GRIA4: variants seen among roughly 807,000 people sequenced by gnomAD.
GRIA4 encodes glutamate receptor 4.
A neutral mutation model predicts 104.0 loss-of-function variants in GRIA4; 34 were observed. That is an observed-to-expected ratio of 0.33 (90% CI 0.25 to 0.44). The LOEUF (loss-of-function observed/expected upper bound fraction) is 0.44. Among genes scored for constraint, GRIA4 ranks in the 20% least tolerant of loss-of-function variants. The pLI is 1.00. For synonymous variants in GRIA4, 386 were observed against 381.9 expected (o/e 1.01, Z -0.13); for missense variants, 750 against 1,096.5 (o/e 0.68, Z 4.46).
intron 3 of GRIA4, among the ~76,000 whole-genome samples, chr11:105,691,783 A>T (rs1953092166): frequency 6.6e-6 from 1 of 151,902 alleles, no homozygotes; most frequent in African/African-American, 2.4e-5. Context: ...AAAAATACAA[A>T]AATTAGCCGG....
At position 105,762,058 on chromosome 11, in the gene GRIA4, C is replaced by T. The variant is rs142482044; in HGVS notation, c.487+8838C>T. Reference sequence around the variant, plus strand: ...TTTTTTTTTGAGACGGAGTCTCACTCTATTGCCCCAGCTGAAGTGCAATTG... The same window carrying T: ...TTTTTTTTTGAGACGGAGTCTCACTTTATTGCCCCAGCTGAAGTGCAATTG... On this transcript the variant is annotated intron_variant, in intron 4 of 16. Coordinates refer to ENST00000282499, the MANE Select transcript of GRIA4 (RefSeq NM_000829.4). Among the ~76,000 whole-genome samples, 23 of 149,500 alleles carry T rather than the reference C, an allele frequency of 1.5e-4. No individual in the cohort carries two copies. The East Asian group carries it at 3.5e-3, about 23-fold the overall frequency.
chr11:105,747,711 G>T (rs1939744952), intron 3 of GRIA4, among the ~76,000 whole-genome samples: 1 of 152,052 alleles, frequency 6.6e-6, no homozygotes, highest in Non-Finnish European at 1.5e-5. Flanking sequence ...GAGAAATTTA[G>T]TGATATTGAT....
chr11:105,682,080 T>C (rs983896556), intron 3 of GRIA4, among the ~76,000 whole-genome samples: 1 of 152,158 alleles, frequency 6.6e-6, no homozygotes. Flanking sequence ...CATTGATTTC[T>C]GTTTTCTTGT....
chr11:105,906,084 T>TA lies in GRIA4; in HGVS notation c.1158+793dup, dbSNP rs999423730. 6.6e-5 allele frequency among the ~76,000 whole-genome samples: 10 copies of TA among 151,042 alleles called. 1 individual carries two copies. The highest frequency in any genetic ancestry group is 4.0e-4 in the Admixed American group (6 of 15,158). The stretch of plus-strand genomic sequence containing the variant: ...TATCTAAAAGCTGTATTTGGCTGTT[T>TA]AAAAAAAAAATTTCCAAAATATATT... On this transcript the variant is annotated intron_variant, in intron 9 of 16. Transcript: ENST00000282499.
intron 9 of GRIA4, among the ~76,000 whole-genome samples, chr11:105,907,571 A>ACAAAGCTCTTTCTGAAGTCC (rs1484567679): frequency 5.9e-5 from 9 of 152,206 alleles, no homozygotes; most frequent in Admixed American, 4.6e-4. Flanking sequence ...AGCAGAAGCC[A>ACAAAGCTCTTTCTGAAGTCC]CAAAGCTCTT....
intron 3 of GRIA4, among the ~76,000 whole-genome samples, chr11:105,645,947 A>C (rs1272682275): frequency 6.6e-6 from 1 of 152,224 alleles, no homozygotes; most frequent in Non-Finnish European, 1.5e-5. Context: ...TGGGGTAAAG[A>C]AAGATTTCCT....
chr11:105,859,011 A>G (rs1470698643), intron 4 of GRIA4, among the ~76,000 whole-genome samples: 4 of 152,184 alleles, frequency 2.6e-5, no homozygotes, highest in Non-Finnish European at 4.4e-5. Flanking sequence ...ATATTATACT[A>G]CAAATTTTCT....
chr11:105,758,375 T>A (rs1940432713), intron 4 of GRIA4, among the ~76,000 whole-genome samples: 1 of 152,134 alleles, frequency 6.6e-6, no homozygotes, highest in African/African-American at 2.4e-5. Context: ...TGATGAAATG[T>A]GGTTATAATA....
chr11:105,640,333 A>G (rs1245328402), intron 3 of GRIA4, among the ~76,000 whole-genome samples: 1 of 151,896 alleles, frequency 6.6e-6, no homozygotes, highest in African/African-American at 2.4e-5. Context: ...GTTTATTTGG[A>G]TGTATATTTT....
At chr11:105,874,789 C>T (rs1241425712) in intron 5 of GRIA4, among the ~76,000 whole-genome samples, 2 of 152,154 alleles carry the variant, frequency 1.3e-5, no homozygotes, top group South Asian at 2.1e-4. Flanking sequence ...GCTGAAGTTG[C>T]TTAACAGCTT....
At chr11:105,809,207 TTCTAA>T (rs1407909372) in intron 4 of GRIA4, among the ~76,000 whole-genome samples, 1 of 152,082 alleles carries the variant, frequency 6.6e-6, no homozygotes, top group African/African-American at 2.4e-5. Context: ...CTAACTCACT[TTCTAA>T]TCTGTTTTTA....
chr11:105,820,521 C>T (rs1288727228), intron 4 of GRIA4, among the ~76,000 whole-genome samples: 1 of 152,052 alleles, frequency 6.6e-6, no homozygotes, highest in Non-Finnish European at 1.5e-5. Flanking sequence ...GCAATGTTCT[C>T]TCAGTCTTGC....
chr11:105,787,441 CT>C (rs1942018327), intron 4 of GRIA4, among the ~76,000 whole-genome samples: 1 of 144,490 alleles, frequency 6.9e-6, no homozygotes, highest in Admixed American at 6.9e-5. Flanking sequence ...ACAAGACAGA[CT>C]AAAAGCAGTC....
At chr11:105,887,694 C>T (rs1012457350) in intron 6 of GRIA4, 122 bp downstream of exon 6, 2 of 581,642 alleles carry the variant, frequency 3.4e-6, no homozygotes, top group South Asian at 4.5e-5. Context: ...TTTAATAACA[C>T]ATGATATTTT....
Position 105,972,036 on chromosome 11 carries a change from G to C in GRIA4, c.2409+8G>C. On this transcript the variant is annotated splice_region_variant and intron_variant, in intron 15 of 16. Transcript: ENST00000282499. ...AAGGACTCTGGAAGCAAGGTCAGTC[G>C]CTGCAGTTCGGGGCCTCCTCTTGTG... 1 of 1,556,776 alleles carries C rather than the reference G, an allele frequency of 6.4e-7. No homozygotes were observed. Among genetic ancestry groups the C allele is most frequent in the East Asian group, 2.2e-5 (1 of 44,516 alleles).
At chr11:105,787,753 G>A (rs1047235959) in intron 4 of GRIA4, among the ~76,000 whole-genome samples, 7 of 151,962 alleles carry the variant, frequency 4.6e-5, no homozygotes, top group South Asian at 2.1e-4. Flanking sequence ...TGATGAAGAT[G>A]GGGGGAATCA....
chr11:105,862,447 T>C (rs1945261008), intron 5 of GRIA4: 2 of 367,628 alleles, frequency 5.4e-6, no homozygotes, highest in Non-Finnish European at 9.9e-6. Context: ...AAGACTTGAA[T>C]GAGTGAAAGA....
chr11:105,825,987 G>C (rs1361023624), intron 4 of GRIA4, among the ~76,000 whole-genome samples: 1 of 151,958 alleles, frequency 6.6e-6, no homozygotes, highest in African/African-American at 2.4e-5. Flanking sequence ...GAATTTGGAT[G>C]TCCCCTCTCC....
At chr11:105,735,271 A>G (rs1437207212) in intron 3 of GRIA4, among the ~76,000 whole-genome samples, 1 of 152,170 alleles carries the variant, frequency 6.6e-6, no homozygotes. Context: ...CTTAGACTCA[A>G]TATAGTGAAC....
Sources: allele counts gnomAD v4.1 joint callset (sites outside exome capture counted in the v4.1 genomes callset), GRCh38; gene constraint gnomAD v4.1.1; transcripts MANE v1.5; gene names NCBI Gene and HGNC (gene_info 2026-07-23, HGNC 2026-07-21).